The following SLC36A1 variants were observed in gnomAD, a reference collection of about 807,000 sequenced individuals.
The protein encoded by SLC36A1 is proton-coupled amino acid transporter 1.
Under a neutral mutation model 47.5 loss-of-function variants are expected in SLC36A1, and 30 were observed. That is an observed-to-expected ratio of 0.63 (90% CI 0.47 to 0.86). SLC36A1 has a LOEUF of 0.86. Ranked by LOEUF, SLC36A1 falls within the 40% of genes least tolerant of loss-of-function variation. SLC36A1 has a pLI of 0.00. For missense variants in SLC36A1, 517 were observed against 606.0 expected (o/e 0.85, Z 1.54); for synonymous variants, 255 against 249.7 (o/e 1.02, Z -0.20).
the SLC36A1 span, chr5:151,553,446 C>T: frequency 3.4e-6 from 5 of 1,477,666 alleles, no homozygotes; most frequent in South Asian, 5.9e-5. Flanking sequence ...AAGACCCAAG[C>T]AGCCAGGACA....
the SLC36A1 span, among the ~76,000 whole-genome samples, chr5:151,361,252 G>C: frequency 0.15 from 23,571 of 152,164 alleles, 5,175 homozygotes; most frequent in African/African-American, 0.49. Flanking sequence ...GACCCCTGGT[G>C]TAGAGGCTGA....
chr5:151,516,840 T>A, the SLC36A1 span, among the ~76,000 whole-genome samples: 1 of 152,188 alleles, frequency 6.6e-6, no homozygotes, highest in Admixed American at 6.5e-5. Context: ...GGGCAGTGGT[T>A]CATGCCTGTA....
At chr5:151,555,360 T>C in the SLC36A1 span, among the ~76,000 whole-genome samples, 2 of 150,264 alleles carry the variant, frequency 1.3e-5, no homozygotes, top group African/African-American at 2.4e-5. Flanking sequence ...TTACTAATAA[T>C]ATATTTCTTT....
intron 10 of SLC36A1, among the ~76,000 whole-genome samples, chr5:151,484,543 C>T (rs1396147086): frequency 2.6e-5 from 4 of 152,102 alleles, no homozygotes; most frequent in Non-Finnish European, 5.9e-5. Context: ...GTGTATAGTT[C>T]CTTAGAATTT....
chr5:151,471,115 C>G (rs1422063682), intron 7 of SLC36A1, among the ~76,000 whole-genome samples: 1 of 152,180 alleles, frequency 6.6e-6, no homozygotes, highest in African/African-American at 2.4e-5. Flanking sequence ...ATCATTGATA[C>G]ATTCTTAGAA....
chr5:151,540,777 G>A, the SLC36A1 span: 3 of 1,599,906 alleles, frequency 1.9e-6, no homozygotes, highest in Non-Finnish European at 2.6e-6. Flanking sequence ...AACAGATGGG[G>A]CAGAGCTTTC....
At chr5:151,487,060 A>G (rs1321036363) in intron 10 of SLC36A1, among the ~76,000 whole-genome samples, 1 of 152,198 alleles carries the variant, frequency 6.6e-6, no homozygotes, top group South Asian at 2.1e-4. Context: ...ACCTTCCCCA[A>G]TGTCACTCAG....
At chr5:151,551,943 T>A in the SLC36A1 span, among the ~76,000 whole-genome samples, 1 of 151,960 alleles carries the variant, frequency 6.6e-6, no homozygotes, top group Non-Finnish European at 1.5e-5. Context: ...CATTTAAAAA[T>A]ATTATAAAAC....
the SLC36A1 span, chr5:151,521,306 GC>G: frequency 6.2e-7 from 1 of 1,611,924 alleles, no homozygotes; most frequent in Non-Finnish European, 8.5e-7. Context: ...TGCAGGTGGT[GC>G]CGCGGGGTTA....
At chr5:151,499,999 C>T in the SLC36A1 span, among the ~76,000 whole-genome samples, 1 of 152,118 alleles carries the variant, frequency 6.6e-6, no homozygotes, top group South Asian at 2.1e-4. Flanking sequence ...GGATGTAGGG[C>T]TTCGGGAGAG....
At chr5:151,514,851 A>G in the SLC36A1 span, among the ~76,000 whole-genome samples, 2 of 152,200 alleles carry the variant, frequency 1.3e-5, no homozygotes, top group Non-Finnish European at 2.9e-5. Flanking sequence ...TCAAGGGTCT[A>G]CTGATTCTCC....
the SLC36A1 span, among the ~76,000 whole-genome samples, chr5:151,369,783 A>G: frequency 6.8e-6 from 1 of 146,152 alleles, no homozygotes; most frequent in East Asian, 2.1e-4. Context: ...TGCCTGGCAT[A>G]TTTCTCATTT....
chr5:151,527,321 A>G, the SLC36A1 span: 1 of 1,613,614 alleles, frequency 6.2e-7, no homozygotes, highest in Admixed American at 1.7e-5. Flanking sequence ...CTGTGTCCTC[A>G]TGCAGTGGAG....
the SLC36A1 span, chr5:151,545,967 A>G: frequency 6.2e-7 from 1 of 1,614,140 alleles, no homozygotes; most frequent in African/African-American, 1.3e-5. Context: ...AGATTTTCTC[A>G]TGGTCCAATT....
chr5:151,389,072 GA>G, the SLC36A1 span, among the ~76,000 whole-genome samples: 1 of 152,120 alleles, frequency 6.6e-6, no homozygotes, highest in African/African-American at 2.4e-5. Flanking sequence ...TCGCCTACAG[GA>G]AAGAGTTACA....
the SLC36A1 span, among the ~76,000 whole-genome samples, chr5:151,351,244 A>T: frequency 1.3e-5 from 2 of 152,184 alleles, no homozygotes; most frequent in South Asian, 4.1e-4. Flanking sequence ...GAGAAGGAAC[A>T]CAGTGAGTGA....
intron 1 of SLC36A1, among the ~76,000 whole-genome samples, chr5:151,441,731 A>T (rs1440640892): frequency 6.6e-6 from 1 of 152,130 alleles, no homozygotes; most frequent in Non-Finnish European, 1.5e-5. Flanking sequence ...AGAATATATT[A>T]ACCTATTATA....
the SLC36A1 span, chr5:151,521,809 C>A: frequency 6.2e-7 from 1 of 1,614,154 alleles, no homozygotes; most frequent in Non-Finnish European, 8.5e-7. Flanking sequence ...GTAGTGGCCA[C>A]GAGGCAGGCC....
chr5:151,399,938 A>G, the SLC36A1 span, among the ~76,000 whole-genome samples: 2 of 152,202 alleles, frequency 1.3e-5, no homozygotes, highest in African/African-American at 4.8e-5. Flanking sequence ...TACAACATCC[A>G]TGCTTCGTAG....
Sources: allele counts gnomAD v4.1 joint callset (sites outside exome capture counted in the v4.1 genomes callset), GRCh38; gene constraint gnomAD v4.1.1; transcripts MANE v1.5; gene names NCBI Gene and HGNC (gene_info 2026-07-23, HGNC 2026-07-21).